The following AP2B1 variants were observed in gnomAD, a reference collection of about 807,000 sequenced individuals.
AP2B1 encodes adaptor related protein complex 2 subunit beta 1.
A neutral mutation model predicts 102.0 loss-of-function variants in AP2B1; 23 were observed. The observed-to-expected ratio is 0.23, with a 90% confidence interval of 0.16 to 0.32. AP2B1 has a LOEUF of 0.32. Among genes scored for constraint, AP2B1 ranks in the 10% least tolerant of loss-of-function variants. The probability of loss-of-function intolerance (pLI) is 1.00; values close to 1 mark genes in which losing one functional copy is unlikely to be tolerated. For missense variants in AP2B1, 541 were observed against 1,157.4 expected (o/e 0.47, Z 7.73); for synonymous variants, 381 against 421.2 (o/e 0.90, Z 1.17).
chr17:35,704,859 C>T (rs369933223), intron 18 of AP2B1, among the ~76,000 whole-genome samples: 2 of 151,964 alleles, frequency 1.3e-5, no homozygotes, highest in South Asian at 2.1e-4. Flanking sequence ...GGTGAAACCC[C>T]GTCTCTACTA....
chr17:35,603,871 C>T (rs1174633107), intron 3 of AP2B1, among the ~76,000 whole-genome samples: 2 of 152,126 alleles, frequency 1.3e-5, no homozygotes, highest in Non-Finnish European at 2.9e-5. Flanking sequence ...TGGAGCCACC[C>T]GCGAAAAGTC....
At chr17:35,670,167 CAAAT>C (rs1489318373) in intron 14 of AP2B1, among the ~76,000 whole-genome samples, 2 of 152,162 alleles carry the variant, frequency 1.3e-5, no homozygotes, top group Non-Finnish European at 2.9e-5. Context: ...AAATGATCTC[CAAAT>C]AAATCCACAT....
intron 14 of AP2B1, among the ~76,000 whole-genome samples, chr17:35,667,744 T>C (rs961993162): frequency 6.6e-6 from 1 of 152,186 alleles, no homozygotes; most frequent in African/African-American, 2.4e-5. Flanking sequence ...CTTGCTGTTC[T>C]GTGCCAAGCA....
chr17:35,606,705 G>T (rs551792050), intron 4 of AP2B1, among the ~76,000 whole-genome samples: 1 of 152,008 alleles, frequency 6.6e-6, no homozygotes, highest in Non-Finnish European at 1.5e-5. Context: ...TCTCCTGCTG[G>T]ATAATTTTAA....
intron 17 of AP2B1, among the ~76,000 whole-genome samples, chr17:35,677,924 A>G (rs1377108190): frequency 6.7e-6 from 1 of 149,118 alleles, no homozygotes; most frequent in African/African-American, 2.5e-5. Context: ...CAATGGTGTC[A>G]TCTCTGCCCA....
rs557523089 is a variant in AP2B1 at position 35,597,658 on chromosome 17, T to A, written c.38-572T>A. Reference sequence around the variant, plus strand: ...GAGTTCTCTTTGACATTATGATTTATTTGGCCCAGAGTGGAGCCTGTACTT... The same window carrying A: ...GAGTTCTCTTTGACATTATGATTTAATTGGCCCAGAGTGGAGCCTGTACTT... On this transcript the variant is annotated intron_variant, in intron 2 of 21. Transcript: ENST00000610402. 7.2e-5 allele frequency among the ~76,000 whole-genome samples: 11 copies of A among 152,360 alleles called. No individual in the cohort carries two copies. The South Asian group carries it at 2.3e-3, about 32-fold the overall frequency.
intron 18 of AP2B1, among the ~76,000 whole-genome samples, chr17:35,690,382 C>G (rs1370289877): frequency 6.6e-6 from 1 of 152,160 alleles, no homozygotes. Flanking sequence ...TTCTGCAAGC[C>G]TTGTGGGGAG....
At chr17:35,596,927 T>C in intron 2 of AP2B1, 1 of 701,140 alleles carries the variant, frequency 1.4e-6, no homozygotes, top group Non-Finnish European at 2.7e-6. Flanking sequence ...CCCGATGCCC[T>C]ATGCCAGGAG....
At chr17:35,620,243 G>C (rs1170327964) in intron 5 of AP2B1, among the ~76,000 whole-genome samples, 13 of 152,006 alleles carry the variant, frequency 8.6e-5, no homozygotes, top group Admixed American at 8.5e-4. Context: ...CACCTTAGGA[G>C]GCCAAGATGG....
chr17:35,649,522 G>A (rs1598171926), intron 12 of AP2B1, among the ~76,000 whole-genome samples: 1 of 152,060 alleles, frequency 6.6e-6, no homozygotes, highest in Admixed American at 6.6e-5. Context: ...CTCCCGCCTC[G>A]GCTTCCCAAA....
At chr17:35,674,541 C>T (rs1425410378) in intron 17 of AP2B1, among the ~76,000 whole-genome samples, 1 of 152,124 alleles carries the variant, frequency 6.6e-6, no homozygotes, top group Non-Finnish European at 1.5e-5. Flanking sequence ...CCCGTCTCTA[C>T]TGAAAATACA....
At chr17:35,598,784 T>C (rs1282520148) in intron 3 of AP2B1, among the ~76,000 whole-genome samples, 1 of 152,266 alleles carries the variant, frequency 6.6e-6, no homozygotes, top group Non-Finnish European at 1.5e-5. Flanking sequence ...CCATGTAGTC[T>C]TATTTTTTAT....
At chr17:35,633,143 A>G (rs1371778313) in intron 9 of AP2B1, among the ~76,000 whole-genome samples, 1 of 152,028 alleles carries the variant, frequency 6.6e-6, no homozygotes, top group Non-Finnish European at 1.5e-5. Context: ...TGGGCGGATC[A>G]TGAGGTCAGG....
intron 14 of AP2B1, among the ~76,000 whole-genome samples, chr17:35,658,570 G>A (rs998140060): frequency 6.6e-6 from 1 of 152,186 alleles, no homozygotes; most frequent in African/African-American, 2.4e-5. Flanking sequence ...TTACAAGACT[G>A]CCTACATAGT....
At chr17:35,597,271 TC>T in intron 2 of AP2B1, 1 of 336,526 alleles carries the variant, frequency 3.0e-6, no homozygotes, top group Non-Finnish European at 5.6e-6. Flanking sequence ...ATGGGAGTAG[TC>T]AACCTCTTTT....
chr17:35,659,979 C>A, intron 14 of AP2B1: 1 of 985,280 alleles, frequency 1.0e-6, no homozygotes, highest in Middle Eastern at 5.2e-4. Context: ...GTTTCTAAGG[C>A]GGCAGTGGAC....
chr17:35,700,345 C>T (rs1223337759), intron 18 of AP2B1, among the ~76,000 whole-genome samples: 1 of 151,914 alleles, frequency 6.6e-6, no homozygotes, highest in Non-Finnish European at 1.5e-5. Context: ...ATCATCATTC[C>T]TCAGAGAACT....
chr17:35,593,449 T>TAA (rs10678502), intron 1 of AP2B1, among the ~76,000 whole-genome samples: 189 of 151,696 alleles, frequency 1.2e-3, no homozygotes, highest in African/African-American at 4.2e-3. Context: ...AACTAAAAAT[T>TAA]AAAAAAATTC....
At chr17:35,608,045 A>C (rs2073745091) in intron 4 of AP2B1, 97 bp from the exon 5 acceptor site, 2 of 1,442,662 alleles carry the variant, frequency 1.4e-6, no homozygotes, top group African/African-American at 2.8e-5. Flanking sequence ...CTGGAAGCTT[A>C]AATTAATGAG....
Sources: gnomAD v4.1 joint callset for allele counts (sites outside exome capture counted in the v4.1 genomes callset) on GRCh38, gnomAD v4.1.1 for gene constraint, MANE v1.5 for transcripts, NCBI Gene and HGNC (gene_info 2026-07-23, HGNC 2026-07-21) for gene names.